Variants in UNC13A observed in about 807,000 individuals in gnomAD.
UNC13A encodes the protein protein unc-13 homolog A.
A neutral mutation model predicts 219.7 loss-of-function variants in UNC13A; 61 were observed. That is an observed-to-expected ratio of 0.28 (90% CI 0.23 to 0.34). UNC13A has a LOEUF of 0.34. UNC13A is among the 10% of genes least tolerant of loss of function. The pLI is 1.00. For synonymous variants in UNC13A, 920 were observed against 884.6 expected (o/e 1.04, Z -0.71); for missense variants, 1,476 against 2,270.3 (o/e 0.65, Z 7.11).
At chr19:17,616,087 G>C (rs562466810) in intron 41 of UNC13A, among the ~76,000 whole-genome samples, 1 of 152,348 alleles carries the variant, frequency 6.6e-6, no homozygotes, top group African/African-American at 2.4e-5. Context: ...GTGCCTACCC[G>C]TGGAGTGGCT....
chr19:17,665,242 AAGG>A (rs1263495519), intron 7 of UNC13A, among the ~76,000 whole-genome samples: 4 of 151,440 alleles, frequency 2.6e-5, no homozygotes, highest in African/African-American at 9.7e-5. Context: ...GTAAATGGGA[AAGG>A]AGAAGGAGGC....
chr19:17,606,961 G>C (rs2076538298), intron 43 of UNC13A, among the ~76,000 whole-genome samples: 1 of 152,066 alleles, frequency 6.6e-6, no homozygotes. Context: ...AGCTGGATAA[G>C]AGCCCCTCCT....
chr19:17,611,633 GC>G, intron 42 of UNC13A, 129 bp downstream of exon 42: 1 of 749,012 alleles, frequency 1.3e-6, no homozygotes, highest in South Asian at 2.0e-5. Context: ...CCTGAAGGTG[GC>G]CACCTTTGGA....
intron 7 of UNC13A, 35 bp from the exon 8 acceptor site, chr19:17,663,602 G>A (rs1353465837): frequency 2.5e-6 from 4 of 1,589,296 alleles, no homozygotes; most frequent in East Asian, 2.3e-5. Context: ...ATAAAAGGGA[G>A]CAGACAGAGG....
Position 17,639,162 on chromosome 19 carries a change from T to C in UNC13A, c.3002A>G (p.Lys1001Arg), listed in dbSNP as rs1238708579. 2.5e-6 allele frequency: 4 copies of C among 1,614,018 alleles called. No homozygotes were observed. The highest frequency in any genetic ancestry group is 3.4e-6 in the Non-Finnish European group (4 of 1,179,926). Residue 1001 changes from lysine (K) to arginine (R), a missense_variant, in exon 25 of 44, where the codon AAA (lysine) becomes AGA (arginine). Around this residue, in one of 14 missense-constraint regions of UNC13A, gnomAD observed 140 missense variants for 270.9 expected, o/e 0.52. Coordinates refer to ENST00000519716, the MANE Select transcript of UNC13A (RefSeq NM_001080421.3). ...RASQVVKDCVKACLNSTYEYI... is the reference protein window; with the variant it reads ...RASQVVKDCVRACLNSTYEYI... ...CTCGTAGGTAGAATTAAGGCAGGCT[T>C]TCACACAGTCCTTTACCACCTGGCT...
chr19:17,635,916 G>C (rs2076908598), intron 26 of UNC13A, 108 bp downstream of exon 26: 1 of 1,364,620 alleles, frequency 7.3e-7, no homozygotes, highest in East Asian at 2.4e-5. Flanking sequence ...TTACCCCCAG[G>C]TGCACATTTG....
intron 43 of UNC13A, 138 bp downstream of exon 43, chr19:17,609,802 C>A (rs973885280): frequency 6.4e-6 from 8 of 1,254,644 alleles, no homozygotes; most frequent in African/African-American, 3.0e-5. Flanking sequence ...TCTCCCTTTC[C>A]AGCACCCCCA....
intron 4 of UNC13A, 119 bp from the exon 5 acceptor site, chr19:17,669,795 C>G: frequency 8.7e-7 from 1 of 1,149,526 alleles, no homozygotes; most frequent in Non-Finnish European, 1.2e-6. Flanking sequence ...GTCATGTCCC[C>G]TCTCTATCTT....
intron 35 of UNC13A, among the ~76,000 whole-genome samples, chr19:17,624,366 G>T (rs182602976): frequency 2.0e-5 from 3 of 151,928 alleles, no homozygotes; most frequent in Non-Finnish European, 4.4e-5. Context: ...CAATCTGCCC[G>T]CCTCGAGCCT....
intron 41 of UNC13A, among the ~76,000 whole-genome samples, chr19:17,615,720 A>G (rs2076655585): frequency 6.6e-6 from 1 of 151,928 alleles, no homozygotes; most frequent in Non-Finnish European, 1.5e-5. Flanking sequence ...ATTCTTCAAG[A>G]AATGCCTGGC....
At position 17,604,170 on chromosome 19, in the gene UNC13A, A is replaced by C. The variant is rs1261628596; in HGVS notation, c.*1884T>G. 1.3e-5 allele frequency: 2 copies of C among 151,678 alleles called. No individual in the cohort carries two copies. Among genetic ancestry groups the C allele is most frequent in the Non-Finnish European group, 2.9e-5 (2 of 67,986 alleles). The allele number at this position is 151,678 out of a possible 1,614,324, so 9.4% of individuals were successfully genotyped here. A position where few individuals can be genotyped will look rare whatever the true frequency, so the allele number is the denominator to read the frequency against. ...GAATCCATTTCAGTGTCCCCAAAGC[A>C]CCTCCACCTCTCCTCACTGGTTTTA... On this transcript the variant is annotated 3_prime_UTR_variant, in exon 44 of 44. Transcript: ENST00000519716.
rs74606805 is a variant in UNC13A at position 17,674,203 on chromosome 19, G to A, written c.152+454C>T. On this transcript the variant is annotated intron_variant, in intron 3 of 43. Coordinates refer to ENST00000519716, the MANE Select transcript of UNC13A (RefSeq NM_001080421.3). This position sits in a 1 kb window ranked among gnomAD's most constrained non-coding sequence, Gnocchi z 5.0. ...CCCTGGGGCAAGAACAAGCTGGGAA[G>A]TGTTGGAGAAAGGGGCAGAGGTGGG... 0.075 allele frequency among the ~76,000 whole-genome samples: 11,409 copies of A among 152,296 alleles called. 567 individuals carry two copies. The highest frequency in any genetic ancestry group is 0.11 in the Non-Finnish European group (7,730 of 68,018).
intron 38 of UNC13A, among the ~76,000 whole-genome samples, chr19:17,620,172 G>A (rs1436004080): frequency 6.6e-6 from 1 of 152,150 alleles, no homozygotes; most frequent in African/African-American, 2.4e-5. Context: ...GGTAACTTGG[G>A]GGACAGGGTG....
chr19:17,669,305 C>T (rs902042360), intron 5 of UNC13A, among the ~76,000 whole-genome samples: 3 of 152,164 alleles, frequency 2.0e-5, no homozygotes, highest in Non-Finnish European at 4.4e-5. Context: ...ACCCTGAACG[C>T]CCTCGGTCGT....
intron 41 of UNC13A, among the ~76,000 whole-genome samples, chr19:17,615,781 C>T (rs1336204327): frequency 2.6e-5 from 4 of 152,132 alleles, no homozygotes; most frequent in Non-Finnish European, 5.9e-5. Context: ...TGAGATCAGC[C>T]TGGGCAACAA....
intron 17 of UNC13A, 123 bp downstream of exon 17, chr19:17,647,142 G>A (rs1320816906): frequency 2.2e-6 from 2 of 896,034 alleles, no homozygotes; most frequent in Non-Finnish European, 3.4e-6. Context: ...GAGATGAGAT[G>A]GAATGCACCC....
intron 27 of UNC13A, 64 bp downstream of exon 27, chr19:17,633,043 AG>A (rs2076873970): frequency 6.2e-7 from 1 of 1,608,194 alleles, no homozygotes; most frequent in Non-Finnish European, 8.5e-7. Flanking sequence ...ACAGCCTTGG[AG>A]GGGACACAGA....
intron 28 of UNC13A, among the ~76,000 whole-genome samples, chr19:17,631,167 C>CTCCCTCCT (rs1463122864): frequency 7.4e-5 from 2 of 27,152 alleles, no homozygotes; most frequent in Admixed American, 1.9e-4. Flanking sequence ...CCCTCCCTCC[C>CTCCCTCCT]TCCCTCCCTC....
At chr19:17,650,437 C>G (rs948149900) in intron 12 of UNC13A, among the ~76,000 whole-genome samples, 13 of 152,082 alleles carry the variant, frequency 8.5e-5, no homozygotes, top group South Asian at 4.1e-4. Context: ...TTGCTTGAAC[C>G]AGGAGGCAGA....
Sources: gnomAD v4.1 joint callset for allele counts (sites outside exome capture counted in the v4.1 genomes callset) on GRCh38, gnomAD v4.1.1 for gene constraint, gnomAD v4.1.1 regional missense constraint, Gnocchi (gnomAD v3.1) non-coding constraint, MANE v1.5 for transcripts, NCBI Gene and HGNC (gene_info 2026-07-23, HGNC 2026-07-21) for gene names.